KLHL32: variants seen among roughly 807,000 people sequenced by gnomAD.
KLHL32 encodes the protein kelch-like protein 32.
A neutral mutation model predicts 64.8 loss-of-function variants in KLHL32; 35 were observed. The observed-to-expected ratio is 0.54, with a 90% CI of 0.41 to 0.72. The LOEUF is 0.72. Ranked by LOEUF, KLHL32 falls within the 30% of genes least tolerant of loss-of-function variation. The probability of loss-of-function intolerance (pLI) is 0.00; values close to 1 mark genes in which losing one functional copy is unlikely to be tolerated. For synonymous variants in KLHL32, 259 were observed against 281.0 expected (o/e 0.92, Z 0.78); for missense variants, 589 against 768.5 (o/e 0.77, Z 2.76).
intron 9 of KLHL32, 60 bp from the exon 10 acceptor site, chr6:97,132,593 T>C: frequency 3.8e-6 from 5 of 1,300,242 alleles, no homozygotes; most frequent in Non-Finnish European, 5.5e-6. Flanking sequence ...GGCAAAAGGG[T>C]TAATTAAAAT....
chr6:97,058,767 A>T (rs567848547), intron 4 of KLHL32, among the ~76,000 whole-genome samples: 6 of 152,212 alleles, frequency 3.9e-5, no homozygotes, highest in Non-Finnish European at 7.3e-5. Context: ...TATGGCAGCC[A>T]ATTTGAGACC....
At chr6:96,984,452 A>G (rs1032351699) in intron 3 of KLHL32, among the ~76,000 whole-genome samples, 3 of 152,114 alleles carry the variant, frequency 2.0e-5, no homozygotes, top group Non-Finnish European at 4.4e-5. Context: ...TGTCTCATTG[A>G]TCTGTCTAAT....
chr6:96,898,924 A>C, the KLHL32 span, among the ~76,000 whole-genome samples: 1 of 152,180 alleles, frequency 6.6e-6, no homozygotes, highest in Non-Finnish European at 1.5e-5. Flanking sequence ...TGCTTAGCAA[A>C]ATGAAGTAGA....
intron 7 of KLHL32, 54 bp from the exon 8 acceptor site, chr6:97,127,348 TGG>T: frequency 7.2e-7 from 1 of 1,393,054 alleles, no homozygotes; most frequent in Non-Finnish European, 1.0e-6. Flanking sequence ...ATTCTTATGT[TGG>T]AATATCCTAT....
intron 1 of KLHL32, among the ~76,000 whole-genome samples, chr6:96,933,778 C>T (rs577105171): frequency 6.6e-6 from 1 of 152,260 alleles, no homozygotes; most frequent in African/African-American, 2.4e-5. Flanking sequence ...GTTAATAAGG[C>T]CTTTTCTTTA....
chr6:97,135,149 T>C (rs978712850), intron 10 of KLHL32, among the ~76,000 whole-genome samples: 5 of 152,158 alleles, frequency 3.3e-5, no homozygotes, highest in Admixed American at 2.6e-4. Flanking sequence ...TAATATATTC[T>C]AATATATTTG....
At chr6:96,996,757 T>G (rs1425965398) in intron 3 of KLHL32, among the ~76,000 whole-genome samples, 1 of 152,202 alleles carries the variant, frequency 6.6e-6, no homozygotes, top group East Asian at 1.9e-4. Context: ...CTTACTGTTC[T>G]CAGGCAACTA....
chr6:97,108,485 A>G (rs1242546495), intron 6 of KLHL32, among the ~76,000 whole-genome samples: 1 of 152,234 alleles, frequency 6.6e-6, no homozygotes, highest in Non-Finnish European at 1.5e-5. Flanking sequence ...AATGGGCTCC[A>G]GGATTCCCTC....
chr6:97,094,107 G>C (rs1247593540), intron 6 of KLHL32, among the ~76,000 whole-genome samples: 1 of 152,154 alleles, frequency 6.6e-6, no homozygotes, highest in African/African-American at 2.4e-5. Flanking sequence ...GAGGGTGAAA[G>C]ATATAAATTT....
chr6:97,040,310 AT>A (rs571674610), intron 3 of KLHL32, among the ~76,000 whole-genome samples: 4,932 of 149,656 alleles, frequency 0.033, 217 homozygotes, highest in African/African-American at 0.11. Flanking sequence ...ATGGGGTTGT[AT>A]TTTTTTTTTC....
intron 1 of KLHL32, among the ~76,000 whole-genome samples, chr6:96,936,317 A>G (rs995072503): frequency 1.3e-5 from 2 of 152,258 alleles, no homozygotes; most frequent in African/African-American, 4.8e-5. Flanking sequence ...CCTACCTTAT[A>G]GTGAAGGAAG....
chr6:96,940,450 A>G (rs992747722), intron 1 of KLHL32, among the ~76,000 whole-genome samples: 1 of 152,216 alleles, frequency 6.6e-6, no homozygotes, highest in Non-Finnish European at 1.5e-5. Flanking sequence ...AGGAGAGAGC[A>G]TTTACTGATG....
intron 6 of KLHL32, among the ~76,000 whole-genome samples, chr6:97,096,111 A>G (rs1004831155): frequency 2.6e-5 from 4 of 152,212 alleles, no homozygotes; most frequent in South Asian, 2.1e-4. Context: ...TTAGTTATAT[A>G]CCCCATCTCA....
chr6:96,980,607 C>T (rs534052945), intron 3 of KLHL32, among the ~76,000 whole-genome samples: 123 of 152,160 alleles, frequency 8.1e-4, no homozygotes, highest in African/African-American at 2.9e-3. Context: ...ATCAAGGATA[C>T]TGGCCTGAAT....
rs1193971196 is a variant in KLHL32 at position 97,056,096 on chromosome 6, C to CTTTTT, written c.313-8527_313-8523dup. 2.5e-4 allele frequency among the ~76,000 whole-genome samples: 31 copies of CTTTTT among 123,796 alleles called. 1 individual carries two copies. The highest frequency in any genetic ancestry group is 1.1e-3 in the Admixed American group (11 of 10,384). 81.2% of individuals were successfully genotyped at this position (123,796 alleles called of 152,430 possible). A position where few individuals can be genotyped will look rare whatever the true frequency, so the allele number is the denominator to read the frequency against. The stretch of plus-strand genomic sequence containing the variant: ...GCCAGCCTCCCTTTTCTTTTTTTTT[C>CTTTTT]TTTTTTTTTCTTTTTTTTTTTTTTT... On this transcript the variant is annotated intron_variant, in intron 4 of 10. Transcript: ENST00000369261.
intron 5 of KLHL32, among the ~76,000 whole-genome samples, chr6:97,080,318 A>G (rs1364537204): frequency 2.0e-5 from 3 of 152,228 alleles, no homozygotes; most frequent in African/African-American, 7.2e-5. Flanking sequence ...GACAAGGTTC[A>G]GAATTGGATA....
the KLHL32 span, among the ~76,000 whole-genome samples, chr6:96,899,039 G>A: frequency 6.6e-6 from 1 of 152,094 alleles, no homozygotes. Flanking sequence ...TGAAGAAAGG[G>A]AAAGTTTTTT....
At chr6:97,092,439 A>T (rs1258911536) in intron 6 of KLHL32, among the ~76,000 whole-genome samples, 1 of 152,030 alleles carries the variant, frequency 6.6e-6, no homozygotes, top group Non-Finnish European at 1.5e-5. Flanking sequence ...AATTTGTACC[A>T]CTTCTTAATT....
chr6:96,962,079 GTAA>G (rs1773942941), intron 1 of KLHL32, among the ~76,000 whole-genome samples: 1 of 152,156 alleles, frequency 6.6e-6, no homozygotes, highest in African/African-American at 2.4e-5. Context: ...CTAGAAGTAA[GTAA>G]TTAAAAGCTA....
Sources: allele counts gnomAD v4.1 joint callset (sites outside exome capture counted in the v4.1 genomes callset), GRCh38; gene constraint gnomAD v4.1.1; transcripts MANE v1.5; gene names NCBI Gene and HGNC (gene_info 2026-07-23, HGNC 2026-07-21).